Variants in SLC51A observed in about 807,000 individuals in gnomAD.
SLC51A encodes solute carrier family 51 member A.
In SLC51A, 22 loss-of-function variants were observed where a neutral mutation model predicts 34.8. The ratio of observed to expected loss-of-function variants is 0.63; its 90% CI spans 0.45 to 0.90. The LOEUF (loss-of-function observed/expected upper bound fraction) is 0.90. SLC51A is among the 40% of genes least tolerant of loss of function. The pLI, the probability that SLC51A is intolerant of heterozygous loss-of-function variation, is 0.00. For missense variants in SLC51A, 371 were observed against 414.8 expected (o/e 0.89, Z 0.92); for synonymous variants, 181 against 176.3 (o/e 1.03, Z -0.21).
intron 2 of SLC51A, among the ~76,000 whole-genome samples, chr3:196,225,377 C>A (rs1300710390): frequency 6.6e-6 from 1 of 152,128 alleles, no homozygotes; most frequent in East Asian, 1.9e-4. Context: ...CAAGTCTGTA[C>A]CGTGGCCACC....
Position 196,226,922 on chromosome 3 carries a change from C to T in SLC51A, c.134-43C>T, listed in dbSNP as rs374442455. 1.7e-5 allele frequency: 27 copies of T among 1,563,114 alleles called. No homozygotes were observed. In the East Asian group the frequency reaches 2.2e-4, roughly 13 times the overall value. On this transcript the variant is annotated intron_variant, in intron 2 of 8. Coordinates refer to ENST00000296327, the MANE Select transcript of SLC51A (RefSeq NM_152672.6). ...CGAGGAACAAGCCCAGGCCTTCTCC[C>T]GCTCAGTCCCGGTCGTCAGCTCTCT...
In SLC51A at chr3:196,226,796, G is replaced by T. The variant is rs116304579; in HGVS notation, c.134-169G>T. ...CTTAAAAAAAAAAAAAAAAGAAAAAGAAAAAAAAAAGACTATTTCTTAGGT... is the reference window on the plus strand; with the variant it reads ...CTTAAAAAAAAAAAAAAAAGAAAAATAAAAAAAAAAGACTATTTCTTAGGT... On this transcript the variant is annotated intron_variant, in intron 2 of 8. Transcript: ENST00000296327. Among the ~76,000 whole-genome samples, 8 of 111,794 alleles carry T rather than the reference G, an allele frequency of 7.2e-5. No individual in the cohort carries two copies. The East Asian group carries it at 1.8e-3, about 26-fold the overall frequency. 73.3% of individuals were successfully genotyped at this position (111,794 alleles called of 152,430 possible).
chr3:196,226,328 C>A (rs1363266345), intron 2 of SLC51A, among the ~76,000 whole-genome samples: 2 of 150,934 alleles, frequency 1.3e-5, no homozygotes, highest in Non-Finnish European at 3.0e-5. Context: ...TCCTCCTCCC[C>A]ACAAAAAAGT....
In SLC51A at chr3:196,216,705, A is replaced by G; in HGVS notation, c.-8A>G. ...GGTGCCTGCGGGATTGCTGGAGAGA[A>G]CGCGGCGATGGAGCCGGGCAGGACC... is the stretch of plus-strand genomic sequence containing the variant. On this transcript the variant is annotated 5_prime_UTR_variant, in exon 1 of 9. Transcript: ENST00000296327. The surrounding 1 kb of genome is among the most constrained non-coding windows in gnomAD (Gnocchi z 4.5). The G allele has an allele frequency of 6.4e-7, 1 of 1,566,138 alleles. No individual in the cohort carries two copies. Among genetic ancestry groups the G allele is most frequent in the South Asian group, 1.2e-5 (1 of 85,334 alleles).
chr3:196,217,742 G>A, intron 1 of SLC51A, 100 bp from the exon 2 acceptor site: 1 of 868,838 alleles, frequency 1.2e-6, no homozygotes, highest in African/African-American at 1.7e-5. Context: ...GAGGGGAAAT[G>A]GACAAAGTCC....
chr3:196,223,430 G>A (rs562848142), intron 2 of SLC51A, among the ~76,000 whole-genome samples: 21 of 151,894 alleles, frequency 1.4e-4, no homozygotes, highest in African/African-American at 4.6e-4. Flanking sequence ...TGATGTGGGC[G>A]GAAGGAGGAC....
In SLC51A at chr3:196,227,009, C is replaced by G; in HGVS notation, c.178C>G (p.Leu60Val). Residue 60 changes from leucine to valine, a missense_variant, in exon 3 of 9, where the codon CTG becomes GTG. Coordinates refer to ENST00000296327, the MANE Select transcript of SLC51A (RefSeq NM_152672.6). ...TGCCCTCACTAGCATCCTGACCTTG[C>G]TGGCGCTGGGCTCCATTGCCATCTT... ...ELALTSILTL[L>V]ALGSIAIFLE... 1 of 1,614,036 alleles carries G rather than the reference C, an allele frequency of 6.2e-7. No individual in the cohort carries two copies. Among genetic ancestry groups the G allele is most frequent in the East Asian group, 2.2e-5 (1 of 44,854 alleles).
At chr3:196,232,138 T>C (rs985136734) in intron 7 of SLC51A, among the ~76,000 whole-genome samples, 2 of 152,252 alleles carry the variant, frequency 1.3e-5, no homozygotes, top group African/African-American at 2.4e-5. Context: ...TTGGTAGCCA[T>C]GGCTGAGAAA....
In SLC51A at chr3:196,228,849, G is replaced by A. The variant is rs139191241; in HGVS notation, c.562G>A (p.Ala188Thr). Residue 188 changes from alanine (A) to threonine (T), a missense_variant, in exon 6 of 9, where the codon GCC (alanine) becomes ACC (threonine). By Grantham distance (58) the Ala-to-Thr change is moderately conservative. Transcript: ENST00000296327. The surrounding 1 kb of genome is among the most constrained non-coding windows in gnomAD (Gnocchi z 4.9). ...GCTGATGTTGGGCCCTTTCCAATAC[G>A]CCTTCTTGAAGATAACGCTGACCCT... ...QLLMLGPFQY[A>T]FLKITLTLVG... is the part of the protein sequence containing the mutation. The A allele has an allele frequency of 7.6e-5, 122 of 1,613,994 alleles. 3 individuals are homozygous for A. In the South Asian group the frequency reaches 1.2e-3, roughly 16 times the overall value.
intron 2 of SLC51A, chr3:196,225,666 G>A (rs1723875294): frequency 6.6e-6 from 1 of 152,220 alleles, no homozygotes; most frequent in South Asian, 2.1e-4. Flanking sequence ...ACTAACGGCT[G>A]CATTAATGAA....
At position 196,228,207 on chromosome 3, in the gene SLC51A, C is replaced by T. The variant is rs781756933; in HGVS notation, c.455C>T (p.Pro152Leu). ...GTGCTGAGGACGCTGAGGGACACCC[C>T]GATGATGGTCCACACAGGCCCCTGC... ...EAVLRTLRDT[P>L]MMVHTGPCCC... The change falls in exon 5 of 9, where the codon CCG (proline) becomes CTG (leucine). Residue 152 changes from proline to leucine, a missense_variant. Coordinates refer to ENST00000296327, the MANE Select transcript of SLC51A (RefSeq NM_152672.6). This position sits in a 1 kb window ranked among gnomAD's most constrained non-coding sequence, Gnocchi z 4.9. The T allele has an allele frequency of 8.1e-6, 13 of 1,613,864 alleles. No individual in the cohort carries two copies. Among genetic ancestry groups the T allele is most frequent in the Middle Eastern group, 1.6e-4 (1 of 6,082 alleles).
At position 196,228,164 on chromosome 3, in the gene SLC51A, T is replaced by C; in HGVS notation, c.412T>C (p.Phe138Leu). ...GCTGATGCTGGTCATGGTGGAAGGCTTTGGGGGGAAGGAGGCAGTGCTGAG... is the reference window on the plus strand; with the variant it reads ...GCTGATGCTGGTCATGGTGGAAGGCCTTGGGGGGAAGGAGGCAGTGCTGAG... ...YLLMLVMVEG[F>L]GGKEAVLRTL... Residue 138 changes from phenylalanine (F) to leucine (L), a missense_variant, in exon 5 of 9, where the codon TTT (phenylalanine) becomes CTT (leucine). Coordinates refer to ENST00000296327, the MANE Select transcript of SLC51A (RefSeq NM_152672.6). The surrounding 1 kb of genome is among the most constrained non-coding windows in gnomAD (Gnocchi z 4.9). The C allele has an allele frequency of 1.2e-6, 2 of 1,614,112 alleles. No individual in the cohort carries two copies. Among genetic ancestry groups the C allele is most frequent in the Non-Finnish European group, 1.7e-6 (2 of 1,180,006 alleles).
intron 8 of SLC51A, 197 bp downstream of exon 8, chr3:196,232,721 C>A: frequency 1.7e-6 from 1 of 596,892 alleles, no homozygotes; most frequent in South Asian, 2.0e-5. Context: ...TGAAACCCCA[C>A]AGCTTGAGGC....
At chr3:196,231,012 A>T (rs924180230) in intron 7 of SLC51A, among the ~76,000 whole-genome samples, 2 of 152,042 alleles carry the variant, frequency 1.3e-5, no homozygotes, top group African/African-American at 4.8e-5. Flanking sequence ...TTCCTTTTCT[A>T]CCTATGACTT....
Position 196,228,016 on chromosome 3 carries a change from C to A in SLC51A, c.363-99C>A. The A allele has an allele frequency of 1.3e-6, 2 of 1,491,726 alleles. No individual in the cohort carries two copies. Among genetic ancestry groups the A allele is most frequent in the Admixed American group, 2.0e-5 (1 of 49,948 alleles). 92.4% of individuals were successfully genotyped at this position (1,491,726 alleles called of 1,614,324 possible). A position where few individuals can be genotyped will look rare whatever the true frequency, so the allele number is the denominator to read the frequency against. On this transcript the variant is annotated intron_variant, in intron 4 of 8. Coordinates refer to ENST00000296327, the MANE Select transcript of SLC51A (RefSeq NM_152672.6). The surrounding 1 kb of genome is among the most constrained non-coding windows in gnomAD (Gnocchi z 4.9). The stretch of plus-strand genomic sequence containing the variant: ...CCCCTCTTGGGTCACACACCCAGAA[C>A]GCCCAGCCCTAGCTCTGCTCCTCAG...
Position 196,233,172 on chromosome 3 carries a change from A to G in SLC51A, c.996A>G (p.Pro332=), listed in dbSNP as rs1724065885. The G allele has an allele frequency of 6.2e-7, 1 of 1,614,134 alleles. No individual in the cohort carries two copies. Among genetic ancestry groups the G allele is most frequent in the Admixed American group, 1.7e-5 (1 of 60,008 alleles). The change falls in exon 9 of 9, where the codon CCA becomes CCG. Residue 332 remains proline, a synonymous_variant. Coordinates refer to ENST00000296327, the MANE Select transcript of SLC51A (RefSeq NM_152672.6). Reference sequence around the variant, plus strand: ...TTGGGTATGAAACTTTCTCTTCTCCAGACCTGGACTTGAACCTCAAAGCCT... The same window carrying G: ...TTGGGTATGAAACTTTCTCTTCTCCGGACCTGGACTTGAACCTCAAAGCCT... The part of the protein sequence containing the change: ...HKVGYETFSS[P]DLDLNLKA
intron 2 of SLC51A, among the ~76,000 whole-genome samples, 180 bp from the exon 3 acceptor site, chr3:196,226,785 A>AAAG (rs1553826337): frequency 8.0e-5 from 12 of 149,558 alleles, no homozygotes; most frequent in South Asian, 2.1e-4. Flanking sequence ...AAAAAAAAAA[A>AAAG]AAAAGAAAAA....
Position 196,228,420 on chromosome 3 carries a change from C to T in SLC51A, c.521+147C>T. ...TCCCACGGCCAGGACCCACGGGCGC[C>T]ACCCTCAGGGGACAGGGGAGCAGAG... On this transcript the variant is annotated intron_variant, in intron 5 of 8. Coordinates refer to ENST00000296327, the MANE Select transcript of SLC51A (RefSeq NM_152672.6). This position sits in a 1 kb window ranked among gnomAD's most constrained non-coding sequence, Gnocchi z 4.9. The T allele has an allele frequency of 9.6e-7, 1 of 1,037,962 alleles. No homozygotes were observed. The allele number at this position is 1,037,962 out of a possible 1,614,324, so 64.3% of individuals were successfully genotyped here.
intron 2 of SLC51A, among the ~76,000 whole-genome samples, chr3:196,218,703 G>A (rs1723659852): frequency 6.6e-6 from 1 of 152,078 alleles, no homozygotes; most frequent in African/African-American, 2.4e-5. Context: ...GATAACTTGG[G>A]GTGCTCCTGG....
Sources: allele counts gnomAD v4.1 joint callset (sites outside exome capture counted in the v4.1 genomes callset), GRCh38; gene constraint gnomAD v4.1.1; non-coding constraint Gnocchi (gnomAD v3.1); transcripts MANE v1.5; gene names NCBI Gene and HGNC (gene_info 2026-07-23, HGNC 2026-07-21).